The following PPM1L variants were observed in gnomAD, a reference collection of about 807,000 sequenced individuals.
PPM1L encodes protein phosphatase, Mg2+/Mn2+ dependent 1L.
Under a neutral mutation model 31.4 loss-of-function variants are expected in PPM1L, and 13 were observed. The ratio of observed to expected loss-of-function variants is 0.41; its 90% confidence interval spans 0.27 to 0.66. The LOEUF is 0.66. PPM1L is among the 30% of genes least tolerant of loss of function. PPM1L has a pLI of 0.29. For synonymous variants in PPM1L, 184 were observed against 175.4 expected (o/e 1.05, Z -0.39); for missense variants, 326 against 453.7 (o/e 0.72, Z 2.56).
Position 160,927,224 on chromosome 3 carries a change from T to G in PPM1L, c.400-34512T>G, listed in dbSNP as rs115948204. Among the ~76,000 whole-genome samples, 696 of 152,300 alleles carry G rather than the reference T, an allele frequency of 4.6e-3. 3 individuals carry two copies. The highest frequency in any genetic ancestry group is 0.016 in the African/African-American group (665 of 41,566). On this transcript the variant is annotated intron_variant, in intron 1 of 3. Transcript: ENST00000498165. ...GTCAACAAAGGCCCAGAATCAAAGC[T>G]GGGCTGTGTTATCTTTTCTAACCAG...
chr3:160,894,504 GA>G lies in PPM1L; in HGVS notation c.400-67231del, dbSNP rs1327237643. Among the ~76,000 whole-genome samples the G allele has an allele frequency of 3.3e-5, 5 of 152,078 alleles. No homozygotes were observed. The East Asian group carries it at 9.6e-4, about 29-fold the overall frequency. Reference sequence around the variant, plus strand: ...CACACCACAAAGCTTGGGAATTCTAGATTCAAATAATTTTTAGGAAAGAAGG... The same window carrying G: ...CACACCACAAAGCTTGGGAATTCTAGTTCAAATAATTTTTAGGAAAGAAGG... On this transcript the variant is annotated intron_variant, in intron 1 of 3. Transcript: ENST00000498165.
chr3:160,986,197 T>C (rs1246557309), intron 2 of PPM1L, among the ~76,000 whole-genome samples: 1 of 152,214 alleles, frequency 6.6e-6, no homozygotes, highest in Admixed American at 6.5e-5. Flanking sequence ...GAGGTATTAC[T>C]CACAGAGAGC....
chr3:161,066,993 G>A (rs1363027706), intron 3 of PPM1L, among the ~76,000 whole-genome samples: 1 of 152,162 alleles, frequency 6.6e-6, no homozygotes, highest in Non-Finnish European at 1.5e-5. Context: ...TATTTTAGGA[G>A]CATCTATCAA....
rs1003893588 is a variant in PPM1L at position 160,925,096 on chromosome 3, T to C, written c.400-36640T>C. 2.0e-5 allele frequency among the ~76,000 whole-genome samples: 3 copies of C among 152,198 alleles called. No homozygotes were observed. The East Asian group carries it at 5.8e-4, about 29-fold the overall frequency. On this transcript the variant is annotated intron_variant, in intron 1 of 3. Transcript: ENST00000498165. ...TGTAAAAAGCAGAAAATCAAGAAGC[T>C]ATACCTAATCATTGAAATCAGCTTC...
rs78655428 is a variant in PPM1L, at chr3:160,783,229, C to A, written c.399+26522C>A. On this transcript the variant is annotated intron_variant, in intron 1 of 3. Transcript: ENST00000498165. Reference sequence around the variant, plus strand: ...TTGTTTCATCATGATGATGCTACATCCTGCAGTTATATTAGCACATTAAAA... The same window carrying A: ...TTGTTTCATCATGATGATGCTACATACTGCAGTTATATTAGCACATTAAAA... Among the ~76,000 whole-genome samples the A allele has an allele frequency of 9.5e-3, 1,451 of 152,190 alleles. 22 individuals carry two copies. Among genetic ancestry groups the A allele is most frequent in the African/African-American group, 0.032 (1,337 of 41,522 alleles).
At chr3:160,884,564 T>G (rs1461597784) in intron 1 of PPM1L, among the ~76,000 whole-genome samples, 1 of 152,210 alleles carries the variant, frequency 6.6e-6, no homozygotes, top group South Asian at 2.1e-4. Flanking sequence ...TAGACTAATG[T>G]ATTTAATAAT....
intron 1 of PPM1L, among the ~76,000 whole-genome samples, chr3:160,852,226 T>C (rs997571229): frequency 1.3e-5 from 2 of 152,236 alleles, no homozygotes; most frequent in African/African-American, 4.8e-5. Context: ...CTAGAGAAGC[T>C]GGGGCAGCTG....
rs894366036 is a variant in PPM1L, at chr3:161,076,891, A to G, written c.*7734A>G. ...AATAAATAGAAGCATCATTGCATTT[A>G]TAACAGATTGATCAATCTTATGAAC... On this transcript the variant is annotated 3_prime_UTR_variant, in exon 4 of 4. Coordinates refer to ENST00000498165, the MANE Select transcript of PPM1L (RefSeq NM_139245.4). The G allele has an allele frequency of 1.3e-5, 2 of 152,266 alleles. 1 individual carries two copies. The highest frequency in any genetic ancestry group is 1.3e-4 in the Admixed American group (2 of 15,282). The allele number at this position is 152,266 out of a possible 1,614,324, so 9.4% of individuals were successfully genotyped here. A position where few individuals can be genotyped will look rare whatever the true frequency, so the allele number is the denominator to read the frequency against.
At chr3:161,055,534 C>G (rs957099404) in intron 2 of PPM1L, among the ~76,000 whole-genome samples, 1 of 152,110 alleles carries the variant, frequency 6.6e-6, no homozygotes, top group Non-Finnish European at 1.5e-5. Flanking sequence ...CATCTATGCC[C>G]TGAAATTGTG....
intron 1 of PPM1L, among the ~76,000 whole-genome samples, chr3:160,832,547 T>C (rs1713554223): frequency 6.6e-6 from 1 of 152,138 alleles, no homozygotes; most frequent in African/African-American, 2.4e-5. Context: ...AAAAACAATG[T>C]TAGTGCATTT....
intron 1 of PPM1L, among the ~76,000 whole-genome samples, chr3:160,862,528 T>G (rs1228992782): frequency 6.6e-6 from 1 of 152,086 alleles, no homozygotes; most frequent in Non-Finnish European, 1.5e-5. Context: ...CTTAAAGGAA[T>G]TGCTTATAGC....
intron 1 of PPM1L, among the ~76,000 whole-genome samples, chr3:160,887,181 A>T (rs1425314762): frequency 6.6e-6 from 1 of 152,092 alleles, no homozygotes; most frequent in Non-Finnish European, 1.5e-5. Flanking sequence ...AAAAGGAATG[A>T]ACAAAGTCTC....
At chr3:160,786,603 T>A (rs1711940745) in intron 1 of PPM1L, among the ~76,000 whole-genome samples, 1 of 151,578 alleles carries the variant, frequency 6.6e-6, no homozygotes, top group African/African-American at 2.4e-5. Flanking sequence ...TCCTTCCAAC[T>A]TTTATTTTAG....
At chr3:160,963,735 C>G (rs576659494) in intron 2 of PPM1L, among the ~76,000 whole-genome samples, 1 of 152,106 alleles carries the variant, frequency 6.6e-6, no homozygotes, top group Admixed American at 6.6e-5. Context: ...CAATCACCCA[C>G]CACTCAATTT....
chr3:160,926,991 T>A (rs924995963), intron 1 of PPM1L, among the ~76,000 whole-genome samples: 2 of 152,226 alleles, frequency 1.3e-5, no homozygotes, highest in Non-Finnish European at 2.9e-5. Flanking sequence ...CATGTATTAT[T>A]TCCATTTTGC....
chr3:160,836,499 G>A (rs565377403), intron 1 of PPM1L, among the ~76,000 whole-genome samples: 3 of 152,324 alleles, frequency 2.0e-5, no homozygotes, highest in African/African-American at 4.8e-5. Flanking sequence ...GTAAAATGTA[G>A]CAGCTCAATT....
At chr3:160,905,086 G>A (rs941727475) in intron 1 of PPM1L, among the ~76,000 whole-genome samples, 1 of 152,204 alleles carries the variant, frequency 6.6e-6, no homozygotes, top group African/African-American at 2.4e-5. Flanking sequence ...GACTCATTGA[G>A]CGATGTTACA....
intron 2 of PPM1L, among the ~76,000 whole-genome samples, chr3:160,987,276 G>A (rs1294493201): frequency 6.6e-6 from 1 of 152,082 alleles, no homozygotes; most frequent in African/African-American, 2.4e-5. Context: ...AGAAGCCCAA[G>A]GCCATTTGTG....
chr3:160,849,155 C>T (rs991751722), intron 1 of PPM1L, among the ~76,000 whole-genome samples: 2 of 152,118 alleles, frequency 1.3e-5, no homozygotes, highest in African/African-American at 4.8e-5. Context: ...CTGGCATTTC[C>T]AGAAGCACTC....
Sources: allele counts gnomAD v4.1 joint callset (sites outside exome capture counted in the v4.1 genomes callset), GRCh38; gene constraint gnomAD v4.1.1; transcripts MANE v1.5; gene names NCBI Gene and HGNC (gene_info 2026-07-23, HGNC 2026-07-21).